GRIN2A: variants seen among roughly 807,000 people sequenced by gnomAD.
The protein encoded by GRIN2A is glutamate ionotropic receptor NMDA type subunit 2A.
In GRIN2A, 22 loss-of-function variants were observed where a neutral mutation model predicts 113.4. The observed-to-expected ratio is 0.19, with a 90% CI of 0.14 to 0.28. GRIN2A has a LOEUF of 0.28. Ranked by LOEUF, GRIN2A falls within the 10% of genes least tolerant of loss-of-function variation. The pLI, the probability that GRIN2A is intolerant of heterozygous loss-of-function variation, is 1.00. For missense variants in GRIN2A, 1,502 were observed against 1,887.0 expected (o/e 0.80, Z 3.78); for synonymous variants, 827 against 738.4 (o/e 1.12, Z -1.94).
chr16:9,884,131 T>C (rs1202245602), intron 4 of GRIN2A, among the ~76,000 whole-genome samples: 1 of 152,232 alleles, frequency 6.6e-6, no homozygotes, highest in Non-Finnish European at 1.5e-5. Context: ...TGTACAAATA[T>C]ATCAAAACGT....
rs559525035 is a variant in GRIN2A, at chr16:9,760,333, T to C, written c.*2816A>G. 2.0e-5 allele frequency: 4 copies of C among 195,758 alleles called. No homozygotes were observed. Among genetic ancestry groups the C allele is most frequent in the African/African-American group, 2.3e-5 (1 of 43,198 alleles). The allele number at this position is 195,758 out of a possible 1,614,324, so 12.1% of individuals were successfully genotyped here. On this transcript the variant is annotated 3_prime_UTR_variant, in exon 13 of 13. Coordinates refer to ENST00000330684, the MANE Select transcript of GRIN2A (RefSeq NM_001134407.3). Reference sequence around the variant, plus strand: ...GACTTAGATGACCTTTGAATAACTCTACATCTTTTCCTTAGAAATTGACCA... The same window carrying C: ...GACTTAGATGACCTTTGAATAACTCCACATCTTTTCCTTAGAAATTGACCA...
At chr16:9,836,516 G>A (rs998667330) in intron 7 of GRIN2A, among the ~76,000 whole-genome samples, 1 of 152,166 alleles carries the variant, frequency 6.6e-6, no homozygotes, top group African/African-American at 2.4e-5. Flanking sequence ...TCACTAACAC[G>A]CTAGTCAGAA....
chr16:9,984,047 C>G (rs1428100437), intron 2 of GRIN2A, among the ~76,000 whole-genome samples: 2 of 152,190 alleles, frequency 1.3e-5, no homozygotes, highest in African/African-American at 4.8e-5. Flanking sequence ...TCTCCACATC[C>G]TTGCCAGTAT....
At chr16:9,836,982 G>C (rs2141332477) in intron 7 of GRIN2A, among the ~76,000 whole-genome samples, 1 of 152,264 alleles carries the variant, frequency 6.6e-6, no homozygotes, top group South Asian at 2.1e-4. Context: ...AAGAGCCACT[G>C]GTTACATTTT....
chr16:10,037,425 C>T (rs940666463), intron 2 of GRIN2A: 7 of 152,340 alleles, frequency 4.6e-5, no homozygotes, highest in Non-Finnish European at 7.3e-5. Context: ...CGTGTGCAGC[C>T]CTGCCACCCT....
At chr16:9,856,271 C>T (rs1434022512) in intron 4 of GRIN2A, among the ~76,000 whole-genome samples, 1 of 152,158 alleles carries the variant, frequency 6.6e-6, no homozygotes, top group African/African-American at 2.4e-5. Flanking sequence ...AGCTTAATCA[C>T]TACCTCCCTT....
intron 2 of GRIN2A, among the ~76,000 whole-genome samples, chr16:10,169,098 C>G (rs1375738461): frequency 1.3e-5 from 2 of 151,996 alleles, no homozygotes; most frequent in African/African-American, 2.4e-5. Context: ...CATGGAGTAT[C>G]TGAACACTTC....
At chr16:10,057,920 C>T (rs966143488) in intron 2 of GRIN2A, among the ~76,000 whole-genome samples, 5 of 152,140 alleles carry the variant, frequency 3.3e-5, no homozygotes, top group African/African-American at 1.2e-4. Context: ...GCTGGTGAAG[C>T]CTTCAAATTC....
In GRIN2A at chr16:10,130,321, C is replaced by T. The variant is rs565540169; in HGVS notation, c.414+49677G>A. Among the ~76,000 whole-genome samples the T allele has an allele frequency of 3.3e-5, 5 of 152,306 alleles. No individual in the cohort carries two copies. In the South Asian group the frequency reaches 6.2e-4, roughly 19 times the overall value. ...ATCCAGGCAAATTCAGGGCATACCA[C>T]GTGGCTGATCTATTTTCAGCATCCA... On this transcript the variant is annotated intron_variant, in intron 2 of 12. Coordinates refer to ENST00000330684, the MANE Select transcript of GRIN2A (RefSeq NM_001134407.3).
chr16:9,838,185 G>T (rs968087593), intron 7 of GRIN2A, among the ~76,000 whole-genome samples: 2 of 152,118 alleles, frequency 1.3e-5, no homozygotes, highest in Non-Finnish European at 2.9e-5. Flanking sequence ...TTTTGTCTCT[G>T]GAAAAATATA....
intron 2 of GRIN2A, among the ~76,000 whole-genome samples, chr16:10,175,706 G>C (rs1279508579): frequency 2.0e-5 from 3 of 152,152 alleles, no homozygotes; most frequent in African/African-American, 7.2e-5. Flanking sequence ...GAATAACATA[G>C]AAAACGAAAC....
intron 12 of GRIN2A, among the ~76,000 whole-genome samples, chr16:9,767,700 A>G (rs1302001645): frequency 6.6e-6 from 1 of 152,228 alleles, no homozygotes; most frequent in Non-Finnish European, 1.5e-5. Flanking sequence ...GAATGGACAT[A>G]TAGATAAGAA....
intron 3 of GRIN2A, among the ~76,000 whole-genome samples, chr16:9,894,498 G>A (rs556819448): frequency 6.4e-4 from 97 of 152,166 alleles, no homozygotes; most frequent in South Asian, 3.5e-3. Context: ...TTCCTGGCTG[G>A]AGTTTGATGA....
chr16:9,810,666 C>T (rs1351291310), intron 10 of GRIN2A, among the ~76,000 whole-genome samples: 1 of 152,150 alleles, frequency 6.6e-6, no homozygotes, highest in Non-Finnish European at 1.5e-5. Context: ...CAAAGAATGG[C>T]CCTCGCTTAG....
rs2044756608 is a variant in GRIN2A, at chr16:9,938,038, A to G, written c.928T>C (p.Phe310Leu). ...GCCTTGGCCTCGGGGATGTAGGAGA[A>G]CTTCTCCAGCATAGAAGATGCAGCG... ...TTAASSMLEK[F>L]SYIPEAKASC... is the part of the protein sequence containing the mutation. The change falls in exon 3 of 13, where the codon TTC (phenylalanine) becomes CTC (leucine). Residue 310 changes from phenylalanine to leucine, a missense_variant. Physicochemically the swap from Phe to Leu is conservative, Grantham distance 22. Around this residue, in one of 7 missense-constraint regions of GRIN2A, gnomAD observed 334 missense variants for 403.0 expected, o/e 0.83. Coordinates refer to ENST00000330684, the MANE Select transcript of GRIN2A (RefSeq NM_001134407.3). The G allele has an allele frequency of 1.9e-6, 3 of 1,613,912 alleles. No homozygotes were observed. Among genetic ancestry groups the G allele is most frequent in the Non-Finnish European group, 1.7e-6 (2 of 1,179,978 alleles).
intron 2 of GRIN2A, among the ~76,000 whole-genome samples, chr16:10,175,268 C>T (rs1362519196): frequency 6.6e-6 from 1 of 152,080 alleles, no homozygotes; most frequent in Non-Finnish European, 1.5e-5. Context: ...TATACATATG[C>T]ATGTATATTC....
intron 2 of GRIN2A, among the ~76,000 whole-genome samples, chr16:10,137,568 C>T (rs936227294): frequency 2.1e-4 from 32 of 152,182 alleles, no homozygotes; most frequent in Non-Finnish European, 4.4e-5. Context: ...TTCAGGCACT[C>T]GATTATTCCC....
chr16:10,182,906 A>G (rs2050295948), upstream of GRIN2A, among the ~76,000 whole-genome samples: 1 of 152,048 alleles, frequency 6.6e-6, no homozygotes, highest in Admixed American at 6.5e-5. Context: ...TGTGTGTGTG[A>G]GTGTGGGAGC....
chr16:9,799,699 A>G (rs1419020097), intron 10 of GRIN2A, among the ~76,000 whole-genome samples: 1 of 152,198 alleles, frequency 6.6e-6, no homozygotes, highest in Non-Finnish European at 1.5e-5. Flanking sequence ...TATTTCACAT[A>G]TTGCTTTCTT....
Sources: allele counts gnomAD v4.1 joint callset (sites outside exome capture counted in the v4.1 genomes callset), GRCh38; gene constraint gnomAD v4.1.1; regional missense constraint gnomAD v4.1.1; transcripts MANE v1.5; gene names NCBI Gene and HGNC (gene_info 2026-07-23, HGNC 2026-07-21).